RTL9: variants seen among roughly 807,000 people sequenced by gnomAD.
RTL9 encodes the protein retrotransposon Gag-like protein 9.
In RTL9, 19 loss-of-function variants were observed where a neutral mutation model predicts 44.7. That is an observed-to-expected ratio of 0.42 (90% CI 0.30 to 0.62). The LOEUF is 0.62. RTL9 is among the 20% of genes least tolerant of loss of function. RTL9 has a pLI of 0.16. For missense variants in RTL9, 1,105 were observed against 1,080.6 expected (o/e 1.02, Z -0.32); for synonymous variants, 407 against 398.9 (o/e 1.02, Z -0.24).
intron 1 of RTL9, among the ~76,000 whole-genome samples, chrX:110,390,867 C>T (rs1460174200): frequency 2.7e-5 from 3 of 111,913 alleles, no homozygotes; most frequent in Non-Finnish European, 3.8e-5. Context: ...TTCTTTCCCA[C>T]GTCTGTTGAA....
intron 1 of RTL9, among the ~76,000 whole-genome samples, chrX:110,442,221 T>TTCTC (rs781098261): frequency 0.011 from 821 of 72,651 alleles, 8 homozygotes; most frequent in Middle Eastern, 0.02. Context: ...ATCGAAGTCT[T>TTCTC]TCTCTCTCTC....
rs950462028 is a variant in RTL9 at position 110,453,456 on chromosome X, G to A, written c.2839G>A (p.Gly947Arg). ...TGCACAAACAACAGCCATGGTCTCT[G>A]GAGGGATGTCCAAGCCATTAATGAG... Residue 947 changes from glycine to arginine, a missense_variant, in exon 1 of 2, where the codon GGA (glycine) becomes AGA (arginine). Transcript: ENST00000540313. 7.4e-6 allele frequency: 9 copies of A among 1,210,354 alleles called. No homozygotes were observed. The highest frequency in any genetic ancestry group is 1.0e-5 in the Non-Finnish European group (9 of 895,283).
At chrX:110,411,219 G>C (rs1014943574) in intron 1 of RTL9, among the ~76,000 whole-genome samples, 2 of 111,969 alleles carry the variant, frequency 1.8e-5, no homozygotes, top group African/African-American at 6.5e-5. Context: ...GAATGGAGCT[G>C]TGATGAGTTC....
Position 110,452,784 on chromosome X carries a change from A to G in RTL9, c.2167A>G (p.Met723Val), listed in dbSNP as rs997191866. 4.1e-6 allele frequency: 5 copies of G among 1,209,788 alleles called. No individual in the cohort carries two copies. The African/African-American group carries it at 7.0e-5, about 17-fold the overall frequency. The change falls in exon 1 of 2, where the codon ATG becomes GTG. Residue 723 changes from methionine (M) to valine (V), a missense_variant. Transcript: ENST00000540313. ...GTCTGGAAAGATGCTCAGTCAGCCAATGAGCACCCAAGATCCTGGAGGGAT... is the reference window on the plus strand; with the variant it reads ...GTCTGGAAAGATGCTCAGTCAGCCAGTGAGCACCCAAGATCCTGGAGGGAT...
intron 1 of RTL9, among the ~76,000 whole-genome samples, chrX:110,383,053 G>A (rs1462057745): frequency 8.9e-6 from 1 of 111,942 alleles, no homozygotes; most frequent in Non-Finnish European, 1.9e-5. Context: ...AGCTAAGTCT[G>A]GGATGAGAAA....
intron 1 of RTL9, among the ~76,000 whole-genome samples, chrX:110,407,384 G>A (rs761150924): frequency 8.9e-6 from 1 of 112,127 alleles, no homozygotes; most frequent in East Asian, 2.8e-4. Context: ...TGGTCTAGAA[G>A]ATACAGTGCA....
intron 1 of RTL9, among the ~76,000 whole-genome samples, chrX:110,373,411 G>A (rs1213333824): frequency 9.0e-6 from 1 of 111,660 alleles, no homozygotes; most frequent in South Asian, 3.8e-4. Flanking sequence ...CTCAGAGCAG[G>A]AACACAATGA....
chrX:110,408,288 A>G (rs774257118), intron 1 of RTL9, among the ~76,000 whole-genome samples: 3 of 112,219 alleles, frequency 2.7e-5, no homozygotes, highest in African/African-American at 9.7e-5. Flanking sequence ...CCAGTTCCAC[A>G]GAAACTGAAT....
At chrX:110,384,587 G>A (rs915769796) in intron 1 of RTL9, among the ~76,000 whole-genome samples, 1 of 111,146 alleles carries the variant, frequency 9.0e-6, no homozygotes, top group Non-Finnish European at 1.9e-5. Flanking sequence ...GGAACTTGAG[G>A]ATCAAGGGAA....
At chrX:110,402,099 TA>T (rs1366001940) in intron 1 of RTL9, among the ~76,000 whole-genome samples, 1 of 112,346 alleles carries the variant, frequency 8.9e-6, no homozygotes, top group Non-Finnish European at 1.9e-5. Flanking sequence ...CAATTTCAGA[TA>T]ATCTCTCTTG....
chrX:110,372,162 A>G (rs1378188974), intron 1 of RTL9, among the ~76,000 whole-genome samples: 1 of 112,112 alleles, frequency 8.9e-6, no homozygotes, highest in Non-Finnish European at 1.9e-5. Context: ...ATGATTGGGA[A>G]TGAAGCCTAT....
chrX:110,394,235 G>A (rs968320517), intron 1 of RTL9, among the ~76,000 whole-genome samples: 2 of 112,122 alleles, frequency 1.8e-5, no homozygotes, highest in African/African-American at 6.5e-5. Flanking sequence ...GTGTTTGGGT[G>A]GTTTTTGTTT....
rs767891962 is a variant in RTL9, at chrX:110,450,742, T to C, written c.125T>C (p.Leu42Pro). Residue 42 changes from leucine to proline, a missense_variant, in exon 1 of 2, where the codon CTG (leucine) becomes CCG (proline). Transcript: ENST00000540313. Reference sequence around the variant, plus strand: ...GAGACCAGAGCAGACGTACAGATTCTGCATTCTCATGTACAGTTGCCTATA... The same window carrying C: ...GAGACCAGAGCAGACGTACAGATTCCGCATTCTCATGTACAGTTGCCTATA... The C allele has an allele frequency of 4.1e-6, 5 of 1,211,500 alleles. No homozygotes were observed. In the South Asian group the frequency reaches 7.0e-5, roughly 17 times the overall value.
At chrX:110,366,420 G>A (rs2068297678) in intron 1 of RTL9, among the ~76,000 whole-genome samples, 1 of 111,619 alleles carries the variant, frequency 9.0e-6, no homozygotes, top group Admixed American at 9.5e-5. Context: ...CAGAGATGGT[G>A]GTGAGGGACT....
chrX:110,422,754 C>G (rs2068726699), intron 1 of RTL9, among the ~76,000 whole-genome samples: 1 of 111,940 alleles, frequency 8.9e-6, no homozygotes, highest in Admixed American at 9.5e-5. Context: ...TCTCTGATGG[C>G]TTTAATTCAC....
At chrX:110,407,328 C>T (rs1053250720) in intron 1 of RTL9, among the ~76,000 whole-genome samples, 1 of 111,836 alleles carries the variant, frequency 8.9e-6, no homozygotes, top group African/African-American at 3.3e-5. Context: ...GAACTTCAAC[C>T]CAGGATGCAG....
At chrX:110,375,131 C>T (rs190720928) in intron 1 of RTL9, among the ~76,000 whole-genome samples, 76 of 111,053 alleles carry the variant, frequency 6.8e-4, no homozygotes, top group African/African-American at 2.3e-3. Flanking sequence ...TGTTAAACTG[C>T]CTGACTAGTG....
intron 1 of RTL9, among the ~76,000 whole-genome samples, chrX:110,419,713 G>A (rs997039112): frequency 8.9e-5 from 10 of 112,056 alleles, no homozygotes; most frequent in Admixed American, 6.6e-4. Context: ...TGGCAGAACT[G>A]TGTCATTCCA....
At chrX:110,453,763 C>G in exon 1 of RTL9, 1 of 1,211,394 alleles carries the variant, frequency 8.3e-7, no homozygotes, top group Non-Finnish European at 1.1e-6. Context: ...AGAGCCACAG[C>G]CTCTGGATGT....
Sources: allele counts gnomAD v4.1 joint callset (sites outside exome capture counted in the v4.1 genomes callset), GRCh38; gene constraint gnomAD v4.1.1; transcripts MANE v1.5; gene names NCBI Gene and HGNC (gene_info 2026-07-23, HGNC 2026-07-21).